Variants in AFAP1L2 observed in about 807,000 individuals in gnomAD.
AFAP1L2 encodes actin filament-associated protein 1-like 2.
A neutral mutation model predicts 99.3 loss-of-function variants in AFAP1L2; 46 were observed. The observed-to-expected ratio is 0.46, with a 90% CI of 0.37 to 0.59. AFAP1L2 has a LOEUF of 0.59. Among genes scored for constraint, AFAP1L2 ranks in the 20% least tolerant of loss-of-function variants. The pLI, the probability that AFAP1L2 is intolerant of heterozygous loss-of-function variation, is 0.00. For missense variants in AFAP1L2, 959 were observed against 1,034.9 expected (o/e 0.93, Z 1.01); for synonymous variants, 397 against 419.1 (o/e 0.95, Z 0.64).
At chr10:114,348,213 T>G (rs1175508859) in intron 1 of AFAP1L2, among the ~76,000 whole-genome samples, 1 of 152,224 alleles carries the variant, frequency 6.6e-6, no homozygotes, top group African/African-American at 2.4e-5. Flanking sequence ...AGGCAATGGC[T>G]TTTTTAAACA....
chr10:114,302,384 G>T lies in AFAP1L2; in HGVS notation c.1385C>A (p.Ala462Asp), dbSNP rs752966049. The change falls in exon 12 of 19, where the codon GCC becomes GAC. Residue 462 changes from alanine to aspartate, a missense_variant. Physicochemically the swap from Ala to Asp is moderately radical, Grantham distance 126 (BLOSUM62 -2). Around this residue, in one of 2 missense-constraint regions of AFAP1L2, gnomAD observed 576 missense variants for 562.1 expected, o/e 1.02. Coordinates refer to ENST00000304129, the MANE Select transcript of AFAP1L2 (RefSeq NM_001001936.3). ...PEEFTYDYVD[A>D]DRVSCIVSAA... The stretch of plus-strand genomic sequence containing the variant: ...ACTCACAATACAGGAGACCCTATCG[G>T]CATCCACATAGTCGTAGGTGAACTC... 1.2e-6 allele frequency: 2 copies of T among 1,614,156 alleles called. No homozygotes were observed. Among genetic ancestry groups the T allele is most frequent in the Non-Finnish European group, 8.5e-7 (1 of 1,180,032 alleles).
chr10:114,347,465 T>C (rs1478172899), intron 1 of AFAP1L2, among the ~76,000 whole-genome samples: 2 of 152,186 alleles, frequency 1.3e-5, no homozygotes, highest in Non-Finnish European at 2.9e-5. Flanking sequence ...TTTTTTCTTA[T>C]TTTTATTTTA....
In AFAP1L2 at chr10:114,398,762, C is replaced by G. The variant is rs377500742; in HGVS notation, c.16+5678G>C. The G allele has an allele frequency of 9.9e-5, 119 of 1,207,102 alleles. No homozygotes were observed. In the South Asian group the frequency reaches 1.4e-3, roughly 14 times the overall value. 74.8% of individuals were successfully genotyped at this position (1,207,102 alleles called of 1,614,324 possible). A position where few individuals can be genotyped will look rare whatever the true frequency, so the allele number is the denominator to read the frequency against. On this transcript the variant is annotated intron_variant, in intron 1 of 18. Coordinates refer to ENST00000304129, the MANE Select transcript of AFAP1L2 (RefSeq NM_001001936.3). The stretch of plus-strand genomic sequence containing the variant: ...CCTTGATCTCCCTCAACCATCCACC[C>G]AGAGCATGGGCAGAGCCAGGTCTGC...
intron 1 of AFAP1L2, among the ~76,000 whole-genome samples, chr10:114,402,981 A>G (rs982594820): frequency 6.6e-6 from 1 of 152,182 alleles, no homozygotes; most frequent in African/African-American, 2.4e-5. Context: ...GAGGGGCCCC[A>G]GTAGGGGAGG....
intron 1 of AFAP1L2, chr10:114,398,714 AGTGCCCAGGCCG>A: frequency 2.9e-6 from 2 of 696,522 alleles, no homozygotes; most frequent in Non-Finnish European, 4.1e-6. Context: ...CGAGCCCCTG[AGTGCCCAGGCCG>A]GTGCCCAGCT....
Position 114,319,398 on chromosome 10 carries a change from C to A in AFAP1L2, c.407-3633G>T, listed in dbSNP as rs536864353. ...GTGGGGGGTGGGGGCTGTGGAAAGCCAAGTAGGTTGCTCCTCTGGAAGATC... is the reference window on the plus strand; with the variant it reads ...GTGGGGGGTGGGGGCTGTGGAAAGCAAAGTAGGTTGCTCCTCTGGAAGATC... On this transcript the variant is annotated intron_variant, in intron 5 of 18. Coordinates refer to ENST00000304129, the MANE Select transcript of AFAP1L2 (RefSeq NM_001001936.3). Among the ~76,000 whole-genome samples the A allele has an allele frequency of 9.3e-4, 141 of 152,088 alleles. 1 individual carries two copies. In the Middle Eastern group the frequency reaches 0.014, roughly 15 times the overall value.
chr10:114,315,441 C>G, intron 6 of AFAP1L2, 119 bp downstream of exon 6: 1 of 983,854 alleles, frequency 1.0e-6, no homozygotes, highest in African/African-American at 1.6e-5. Context: ...GTTAAAATCT[C>G]CTGACATAAA....
intron 1 of AFAP1L2, among the ~76,000 whole-genome samples, chr10:114,399,215 G>C (rs897764124): frequency 6.6e-6 from 1 of 152,198 alleles, no homozygotes; most frequent in Admixed American, 6.5e-5. Context: ...AACAAACATA[G>C]ACATGTACAA....
At chr10:114,335,618 A>AAG (rs910688479) in intron 2 of AFAP1L2, among the ~76,000 whole-genome samples, 8 of 151,976 alleles carry the variant, frequency 5.3e-5, no homozygotes, top group Admixed American at 3.9e-4. Context: ...GTCTCAAAAA[A>AAG]AAAAAAAAAA....
upstream of AFAP1L2, chr10:114,404,829 T>G (rs1176456972): frequency 4.5e-6 from 1 of 221,790 alleles, no homozygotes; most frequent in African/African-American, 2.3e-5. Flanking sequence ...TGGGGGAGGC[T>G]CCGGGAGGCC....
chr10:114,287,187 T>A, the AFAP1L2 span, among the ~76,000 whole-genome samples: 1 of 152,108 alleles, frequency 6.6e-6, no homozygotes, highest in African/African-American at 2.4e-5. Flanking sequence ...AAACACGTCT[T>A]TTTTTTCTTT....
At chr10:114,369,452 G>C (rs1000212037) in intron 1 of AFAP1L2, among the ~76,000 whole-genome samples, 1 of 151,852 alleles carries the variant, frequency 6.6e-6, no homozygotes, top group Admixed American at 6.6e-5. Flanking sequence ...AAAATTAGCC[G>C]GGCGTGGTGG....
At chr10:114,294,703 A>G, downstream of AFAP1L2, 1 of 588,038 alleles carries the variant, frequency 1.7e-6, no homozygotes, top group Non-Finnish European at 2.1e-6. Context: ...CTTTGATTCA[A>G]GGAGGCTGAG....
chr10:114,401,989 C>A (rs558565511), intron 1 of AFAP1L2, among the ~76,000 whole-genome samples: 21 of 152,126 alleles, frequency 1.4e-4, no homozygotes, highest in African/African-American at 4.8e-4. Context: ...AGGGAGAGCT[C>A]AAAATTGGAA....
chr10:114,348,891 G>A (rs934318011), intron 1 of AFAP1L2, among the ~76,000 whole-genome samples: 5 of 152,146 alleles, frequency 3.3e-5, no homozygotes, highest in African/African-American at 1.2e-4. Context: ...AAGTTGTGAT[G>A]ATTTGCTTTA....
At chr10:114,384,328 C>G (rs1044967357) in intron 1 of AFAP1L2, among the ~76,000 whole-genome samples, 12 of 151,494 alleles carry the variant, frequency 7.9e-5, no homozygotes, top group African/African-American at 2.4e-4. Flanking sequence ...CTGTCGTCCC[C>G]CCCCCGCTGC....
intron 2 of AFAP1L2, among the ~76,000 whole-genome samples, chr10:114,334,442 C>T (rs1252700810): frequency 6.6e-6 from 1 of 152,186 alleles, no homozygotes; most frequent in Non-Finnish European, 1.5e-5. Flanking sequence ...GCCAAAGGAC[C>T]CAGTTCTAAC....
At chr10:114,360,546 TA>T (rs537446334) in intron 1 of AFAP1L2, among the ~76,000 whole-genome samples, 6 of 148,150 alleles carry the variant, frequency 4.0e-5, no homozygotes, top group African/African-American at 1.6e-4. Context: ...GATAGATAGA[TA>T]GATAGATAGA....
At chr10:114,380,172 A>T (rs2055417409) in intron 1 of AFAP1L2, among the ~76,000 whole-genome samples, 2 of 152,324 alleles carry the variant, frequency 1.3e-5, no homozygotes, top group South Asian at 4.1e-4. Flanking sequence ...GGCTGTCCTC[A>T]CAAGACTCAC....
Sources: allele counts gnomAD v4.1 joint callset (sites outside exome capture counted in the v4.1 genomes callset), GRCh38; gene constraint gnomAD v4.1.1; regional missense constraint gnomAD v4.1.1; transcripts MANE v1.5; gene names NCBI Gene and HGNC (gene_info 2026-07-23, HGNC 2026-07-21).